Variants in KIAA1328 observed in about 807,000 individuals in gnomAD.
KIAA1328 encodes the protein protein hinderin.
Under a neutral mutation model 68.1 loss-of-function variants are expected in KIAA1328, and 52 were observed. That is an observed-to-expected ratio of 0.76 (90% CI 0.61 to 0.96). KIAA1328 has a LOEUF of 0.96. Among genes scored for constraint, KIAA1328 ranks in the 40% least tolerant of loss-of-function variants. The pLI, the probability that KIAA1328 is intolerant of heterozygous loss-of-function variation, is 0.00. For synonymous variants in KIAA1328, 232 were observed against 239.4 expected, an observed-to-expected ratio of 0.97 and a Z score of 0.28; for missense variants, 641 against 677.6, an observed-to-expected ratio of 0.95 and a Z score of 0.60.
At chr18:37,118,870 T>C (rs2058193942) in intron 7 of KIAA1328, among the ~76,000 whole-genome samples, 1 of 152,140 alleles carries the variant, frequency 6.6e-6, no homozygotes, top group Non-Finnish European at 1.5e-5. Flanking sequence ...CACCATATAT[T>C]AGACAATGAT....
At chr18:37,042,938 T>C (rs1424520827) in intron 6 of KIAA1328, among the ~76,000 whole-genome samples, 1 of 152,152 alleles carries the variant, frequency 6.6e-6, no homozygotes, top group Non-Finnish European at 1.5e-5. Context: ...CTTTTTTCTT[T>C]CTACTCTTTA....
chr18:36,925,996 T>C (rs1301822666), intron 5 of KIAA1328, among the ~76,000 whole-genome samples: 1 of 152,106 alleles, frequency 6.6e-6, no homozygotes, highest in Non-Finnish European at 1.5e-5. Flanking sequence ...CTCAACTTTT[T>C]TTTTTCTTAG....
chr18:37,125,892 G>A (rs2058377542), intron 7 of KIAA1328, among the ~76,000 whole-genome samples: 2 of 152,300 alleles, frequency 1.3e-5, no homozygotes, highest in East Asian at 3.9e-4. Context: ...TGTTGCTACT[G>A]TGCTGCTTAG....
chr18:36,829,150 G>T lies in KIAA1328; in HGVS notation c.12G>T (p.Val4=). The T allele has an allele frequency of 2.0e-6, 3 of 1,534,430 alleles. No individual in the cohort carries two copies. The highest frequency in any genetic ancestry group is 1.4e-5 in the African/African-American group (1 of 71,202). ...GCGGTTGTTTCAAGATGGCGGACGT[G>T]GCGGGCCCCTCCCGCCCCAGTGCCG... MAD[V]AGPSRPSAAA... Residue 4 remains valine, a synonymous_variant, in exon 1 of 10, where the codon GTG becomes GTT. Coordinates refer to ENST00000280020, the MANE Select transcript of KIAA1328 (RefSeq NM_020776.3).
chr18:37,109,930 A>G (rs2057882426), intron 7 of KIAA1328, among the ~76,000 whole-genome samples: 2 of 152,062 alleles, frequency 1.3e-5, no homozygotes, highest in Admixed American at 6.6e-5. Context: ...GTAACTGCTT[A>G]TTCTGCTCCA....
At chr18:37,017,644 T>C (rs1366480955) in intron 6 of KIAA1328, among the ~76,000 whole-genome samples, 1 of 152,204 alleles carries the variant, frequency 6.6e-6, no homozygotes. Context: ...ATCTGGGTGC[T>C]CCAATGTTGT....
intron 6 of KIAA1328, among the ~76,000 whole-genome samples, chr18:37,047,899 A>G (rs1376112528): frequency 1.3e-5 from 2 of 152,168 alleles, no homozygotes; most frequent in Non-Finnish European, 2.9e-5. Flanking sequence ...GTGGCAGCCT[A>G]TACTTTTGGA....
At chr18:37,042,714 G>C (rs1187598878) in intron 6 of KIAA1328, among the ~76,000 whole-genome samples, 1 of 147,372 alleles carries the variant, frequency 6.8e-6, no homozygotes, top group African/African-American at 2.5e-5. Context: ...ATCTAGGTGT[G>C]GATCTCTTTG....
chr18:37,089,520 G>A (rs894867897), intron 7 of KIAA1328, among the ~76,000 whole-genome samples: 6 of 151,788 alleles, frequency 4.0e-5, no homozygotes, highest in Admixed American at 3.3e-4. Context: ...GACTACAGGT[G>A]CACGCCGCCA....
intron 7 of KIAA1328, among the ~76,000 whole-genome samples, chr18:37,103,022 A>G (rs1046760925): frequency 6.6e-6 from 1 of 152,206 alleles, no homozygotes; most frequent in Non-Finnish European, 1.5e-5. Flanking sequence ...AAGCAAGCTG[A>G]AAGAAATTGA....
intron 9 of KIAA1328, among the ~76,000 whole-genome samples, chr18:37,208,727 A>G (rs2060261287): frequency 6.6e-6 from 1 of 152,252 alleles, no homozygotes; most frequent in Non-Finnish European, 1.5e-5. Flanking sequence ...ATTGACCTGA[A>G]GAAAGAGCCA....
chr18:36,973,743 T>A (rs2052337004), intron 6 of KIAA1328, among the ~76,000 whole-genome samples: 2 of 151,870 alleles, frequency 1.3e-5, no homozygotes, highest in African/African-American at 4.8e-5. Context: ...GTCTTCCAGT[T>A]AGTGGTTTCT....
chr18:37,080,804 C>T (rs1022134948), intron 7 of KIAA1328, among the ~76,000 whole-genome samples: 4 of 150,478 alleles, frequency 2.7e-5, no homozygotes, highest in African/African-American at 9.8e-5. Flanking sequence ...AAAAAAAGAA[C>T]TAATCATGCT....
chr18:36,883,074 A>G (rs1440226508), intron 4 of KIAA1328, among the ~76,000 whole-genome samples: 1 of 152,204 alleles, frequency 6.6e-6, no homozygotes, highest in Non-Finnish European at 1.5e-5. Context: ...AATGAAAATA[A>G]ATGTTTCCAT....
chr18:37,054,824 T>C (rs946847196), intron 6 of KIAA1328, among the ~76,000 whole-genome samples: 12 of 152,134 alleles, frequency 7.9e-5, no homozygotes, highest in Non-Finnish European at 1.8e-4. Context: ...TTTAAAAAGA[T>C]TATGAGATTT....
chr18:37,196,535 T>G (rs1344088234), intron 9 of KIAA1328, among the ~76,000 whole-genome samples: 1 of 152,140 alleles, frequency 6.6e-6, no homozygotes, highest in Non-Finnish European at 1.5e-5. Context: ...CAGCATCTAT[T>G]GAAATAATCA....
chr18:36,839,921 A>G (rs1206104858), intron 3 of KIAA1328, among the ~76,000 whole-genome samples: 1 of 152,126 alleles, frequency 6.6e-6, no homozygotes, highest in African/African-American at 2.4e-5. Context: ...CCCCGGGATG[A>G]GTAGTTTTCT....
intron 6 of KIAA1328, among the ~76,000 whole-genome samples, chr18:37,021,405 G>A (rs2054341198): frequency 6.6e-6 from 1 of 152,126 alleles, no homozygotes; most frequent in Admixed American, 6.5e-5. Flanking sequence ...CAGAACATTA[G>A]TGGCAATGAA....
intron 6 of KIAA1328, among the ~76,000 whole-genome samples, chr18:37,003,806 G>C (rs989684939): frequency 6.6e-5 from 10 of 151,962 alleles, no homozygotes; most frequent in African/African-American, 2.4e-4. Context: ...CTTAAATGTG[G>C]CTTGCCAATT....
Sources: gnomAD v4.1 joint callset for allele counts (sites outside exome capture counted in the v4.1 genomes callset) on GRCh38, gnomAD v4.1.1 for gene constraint, MANE v1.5 for transcripts, NCBI Gene and HGNC (gene_info 2026-07-23, HGNC 2026-07-21) for gene names.